The following FBXL7 variants were observed in gnomAD, a reference collection of about 807,000 sequenced individuals.
FBXL7 encodes the protein F-box/LRR-repeat protein 7.
Under a neutral mutation model 38.3 loss-of-function variants are expected in FBXL7, and 12 were observed. That is an observed-to-expected ratio of 0.31 (90% CI 0.20 to 0.51). The LOEUF (loss-of-function observed/expected upper bound fraction) is 0.51, where lower values mean the gene tolerates loss of function less well. Ranked by LOEUF, FBXL7 falls within the 20% of genes least tolerant of loss-of-function variation. The pLI is 0.98. For missense variants in FBXL7, 567 were observed against 676.4 expected (o/e 0.84, Z 1.79); for synonymous variants, 297 against 300.9 (o/e 0.99, Z 0.13).
At position 15,534,745 on chromosome 5, in the gene FBXL7, C is replaced by T. The variant is rs894840981; in HGVS notation, c.37+34032C>T. Among the ~76,000 whole-genome samples, 2 of 152,176 alleles carry T rather than the reference C, an allele frequency of 1.3e-5. 1 individual carries two copies. The highest frequency in any genetic ancestry group is 3.9e-4 in the East Asian group (2 of 5,190). On this transcript the variant is annotated intron_variant, in intron 1 of 3. Transcript: ENST00000504595. ...TTTGAAGAACTGCAAAACTGCCCTC[C>T]AAGTGGCTGTACCATTTTGCAGTTC...
At chr5:15,646,910 G>T (rs1741548897) in intron 2 of FBXL7, among the ~76,000 whole-genome samples, 1 of 152,156 alleles carries the variant, frequency 6.6e-6, no homozygotes, top group Non-Finnish European at 1.5e-5. Context: ...ATCACTTTTT[G>T]AAGAAGTAGA....
chr5:15,611,311 C>CT (rs61608325), intron 1 of FBXL7, among the ~76,000 whole-genome samples: 15,221 of 128,068 alleles, frequency 0.12, 1,100 homozygotes, highest in East Asian at 0.42. Context: ...TGTTTTGCCA[C>CT]TTTTTTTTTT....
In FBXL7 at chr5:15,589,354, T is replaced by C. The variant is rs538760084; in HGVS notation, c.38-26629T>C. Among the ~76,000 whole-genome samples, 13 of 152,240 alleles carry C rather than the reference T, an allele frequency of 8.5e-5. No individual in the cohort carries two copies. In the East Asian group the frequency reaches 2.5e-3, roughly 29 times the overall value. On this transcript the variant is annotated intron_variant, in intron 1 of 3. Transcript: ENST00000504595. ...GGATTTCCCCCGGCTTTTCTCATGATAGTGAGTTCTTACAAGATCTGGTTG... is the reference window on the plus strand; with the variant it reads ...GGATTTCCCCCGGCTTTTCTCATGACAGTGAGTTCTTACAAGATCTGGTTG...
chr5:15,685,612 G>A (rs1441324873), intron 2 of FBXL7, among the ~76,000 whole-genome samples: 1 of 152,186 alleles, frequency 6.6e-6, no homozygotes, highest in African/African-American at 2.4e-5. Context: ...GCAGAGAAAA[G>A]TGTAGGTTTT....
At chr5:15,759,081 A>C (rs948475901) in intron 2 of FBXL7, among the ~76,000 whole-genome samples, 1 of 152,238 alleles carries the variant, frequency 6.6e-6, no homozygotes, top group African/African-American at 2.4e-5. Flanking sequence ...CATAAGCCTG[A>C]GGCACATACT....
chr5:15,693,531 C>T (rs899300480), intron 2 of FBXL7, among the ~76,000 whole-genome samples: 1 of 152,208 alleles, frequency 6.6e-6, no homozygotes, highest in African/African-American at 2.4e-5. Context: ...ACCCTCAGGC[C>T]TGTGCCCATG....
At chr5:15,804,339 T>C (rs1204455137) in intron 2 of FBXL7, among the ~76,000 whole-genome samples, 1 of 151,896 alleles carries the variant, frequency 6.6e-6, no homozygotes, top group East Asian at 1.9e-4. Flanking sequence ...CATGGTGGCA[T>C]ACAACTATAG....
intron 2 of FBXL7, among the ~76,000 whole-genome samples, chr5:15,688,411 A>G (rs567469943): frequency 2.6e-4 from 40 of 152,190 alleles, no homozygotes; most frequent in Non-Finnish European, 4.1e-4. Flanking sequence ...TGTCAAAAAC[A>G]TTTCTGGATT....
intron 2 of FBXL7, among the ~76,000 whole-genome samples, chr5:15,638,645 A>T (rs1464664597): frequency 6.6e-6 from 1 of 152,048 alleles, no homozygotes; most frequent in Non-Finnish European, 1.5e-5. Context: ...GGTGGGGGTG[A>T]TGCTGACTTC....
intron 2 of FBXL7, among the ~76,000 whole-genome samples, chr5:15,861,495 C>T (rs1739469970): frequency 6.6e-6 from 1 of 152,192 alleles, no homozygotes; most frequent in Non-Finnish European, 1.5e-5. Context: ...CAAAGGACAT[C>T]TATACTGACT....
chr5:15,652,571 T>G (rs998891397), intron 2 of FBXL7, among the ~76,000 whole-genome samples: 5 of 152,226 alleles, frequency 3.3e-5, no homozygotes, highest in Non-Finnish European at 7.4e-5. Context: ...GGCCAAGAAA[T>G]TTTTCTTTTT....
intron 2 of FBXL7, among the ~76,000 whole-genome samples, chr5:15,664,156 GTATA>G (rs1279081993): frequency 2.0e-5 from 3 of 152,050 alleles, no homozygotes; most frequent in Non-Finnish European, 2.9e-5. Flanking sequence ...TCTCTAAGAT[GTATA>G]GTATACATAA....
At chr5:15,713,289 A>G (rs1579399853) in intron 2 of FBXL7, among the ~76,000 whole-genome samples, 1 of 152,132 alleles carries the variant, frequency 6.6e-6, no homozygotes, top group Non-Finnish European at 1.5e-5. Flanking sequence ...ATTCACTACC[A>G]CAAGAACAGT....
chr5:15,616,050 G>A lies in FBXL7; in HGVS notation c.105G>A (p.Gln35=). 6.2e-7 allele frequency: 1 copy of A among 1,613,168 alleles called. No homozygotes were observed. The highest frequency in any genetic ancestry group is 1.3e-5 in the African/African-American group (1 of 75,016). ...SSTDHTPTKA[Q]KNVATSEDSD... Reference sequence around the variant, plus strand: ...CAGATCACACGCCCACTAAAGCCCAGAAGAATGTGGCTACCAGCGAAGGTA... The same window carrying A: ...CAGATCACACGCCCACTAAAGCCCAAAAGAATGTGGCTACCAGCGAAGGTA... Residue 35 remains glutamine (Q), a synonymous_variant, in exon 2 of 4, where the codon CAG becomes CAA. Transcript: ENST00000504595.
intron 1 of FBXL7, among the ~76,000 whole-genome samples, chr5:15,520,422 T>C (rs1737066048): frequency 6.6e-6 from 1 of 152,214 alleles, no homozygotes; most frequent in Admixed American, 6.5e-5. Flanking sequence ...GAGAATTTCA[T>C]TGTTCTGAGA....
intron 2 of FBXL7, among the ~76,000 whole-genome samples, chr5:15,641,958 T>C (rs1441162600): frequency 7.0e-6 from 1 of 142,858 alleles, no homozygotes; most frequent in Non-Finnish European, 1.5e-5. Flanking sequence ...TGTGTGTGTG[T>C]GTGTGTGTGT....
At chr5:15,579,913 A>T (rs1031773432) in intron 1 of FBXL7, among the ~76,000 whole-genome samples, 1 of 152,178 alleles carries the variant, frequency 6.6e-6, no homozygotes, top group African/African-American at 2.4e-5. Context: ...AGAAGCTTTC[A>T]AGAGTTGCTT....
chr5:15,894,427 G>T lies in FBXL7; in HGVS notation c.128-33463G>T, dbSNP rs967970255. ...AAGCTGATAACATTTTTATTTCAGG[G>T]CATATTGAAATATGAGACTTATCTA... On this transcript the variant is annotated intron_variant, in intron 2 of 3. Coordinates refer to ENST00000504595, the MANE Select transcript of FBXL7 (RefSeq NM_012304.5). Among the ~76,000 whole-genome samples the T allele has an allele frequency of 4.6e-5, 7 of 152,146 alleles. No homozygotes were observed. The East Asian group carries it at 1.2e-3, about 25-fold the overall frequency.
At position 15,626,544 on chromosome 5, in the gene FBXL7, CTGTGTG is replaced by C. The variant is rs71603784; in HGVS notation, c.127+10496_127+10501del. Among the ~76,000 whole-genome samples, 1,319 of 148,342 alleles carry C rather than the reference CTGTGTG, an allele frequency of 8.9e-3. 6 individuals are homozygous for C. The highest frequency in any genetic ancestry group is 0.012 in the Non-Finnish European group (830 of 66,926). On this transcript the variant is annotated intron_variant, in intron 2 of 3. Coordinates refer to ENST00000504595, the MANE Select transcript of FBXL7 (RefSeq NM_012304.5). ...ATAGTCTTAGAAGAAAATTCGTTTC[CTGTGTG>C]TGTGTGTGTGTGTGTGTGTGTGTAT... is the stretch of plus-strand genomic sequence containing the variant.
Sources: allele counts gnomAD v4.1 joint callset (sites outside exome capture counted in the v4.1 genomes callset), GRCh38; gene constraint gnomAD v4.1.1; transcripts MANE v1.5; gene names NCBI Gene and HGNC (gene_info 2026-07-23, HGNC 2026-07-21).